Variants in RAB7A observed in about 807,000 individuals in gnomAD.
RAB7A encodes the protein RAB7A, member RAS oncogene family.
Under a neutral mutation model 24.5 loss-of-function variants are expected in RAB7A, and 2 were observed. The ratio of observed to expected loss-of-function variants is 0.08; its 90% CI spans 0.03 to 0.26. The LOEUF (loss-of-function observed/expected upper bound fraction) is 0.26. RAB7A is among the 10% of genes least tolerant of loss of function. The pLI is 1.00. For missense variants in RAB7A, 118 were observed against 255.7 expected, an observed-to-expected ratio of 0.46 and a Z score of 3.67; for synonymous variants, 100 against 95.9, an observed-to-expected ratio of 1.04 and a Z score of -0.25.
rs2070639001 is a variant in RAB7A, at chr3:128,748,216, T to C, written c.-9+21857T>C. Among the ~76,000 whole-genome samples, 2 of 152,198 alleles carry C rather than the reference T, an allele frequency of 1.3e-5. 1 individual carries two copies. The highest frequency in any genetic ancestry group is 4.1e-4 in the South Asian group (2 of 4,830). ...TCCTAAGATTATCGTTGGGGACAGG[T>C]GACTCCTTCTGGGTTTCCTCCACTG... On this transcript the variant is annotated intron_variant, in intron 1 of 5. Coordinates refer to ENST00000265062, the MANE Select transcript of RAB7A (RefSeq NM_004637.6).
chr3:128,737,825 G>GAATTTTT (rs2070506150), intron 1 of RAB7A, among the ~76,000 whole-genome samples: 1 of 59,482 alleles, frequency 1.7e-5, no homozygotes, highest in Admixed American at 2.4e-4. Context: ...TTTTTTTGTA[G>GAATTTTT]TTTTTTTTTT....
At chr3:128,777,680 C>G (rs1460851739) in intron 1 of RAB7A, among the ~76,000 whole-genome samples, 1 of 152,222 alleles carries the variant, frequency 6.6e-6, no homozygotes, top group Non-Finnish European at 1.5e-5. Context: ...AAACTTTACC[C>G]TGCTCAGCCA....
intron 1 of RAB7A, among the ~76,000 whole-genome samples, chr3:128,752,303 T>C (rs57392614): frequency 0.12 from 17,330 of 142,838 alleles, 1,100 homozygotes; most frequent in African/African-American, 0.18. Flanking sequence ...ATTAACTAAA[T>C]AAAAAATGAA....
intron 5 of RAB7A, among the ~76,000 whole-genome samples, chr3:128,812,530 T>C (rs1450748304): frequency 6.6e-6 from 1 of 152,256 alleles, no homozygotes; most frequent in Non-Finnish European, 1.5e-5. Context: ...GTTCCTGCTT[T>C]ATCTCCAAAT....
intron 1 of RAB7A, among the ~76,000 whole-genome samples, chr3:128,738,274 C>T (rs1252063485): frequency 1.3e-5 from 2 of 152,060 alleles, no homozygotes; most frequent in African/African-American, 4.8e-5. Flanking sequence ...TCAAGTAGCT[C>T]GCCCACCCTG....
rs35457218 is a variant in RAB7A, at chr3:128,768,969, CTTTTTTTTTTT to C, written c.-8-26375_-8-26365del. ...CTTTCCTTTTTTCTTTCTTTCTTTC[CTTTTTTTTTTT>C]TTTTTTTTTTTTTTTAAGGAAACAG... On this transcript the variant is annotated intron_variant, in intron 1 of 5. Transcript: ENST00000265062. Among the ~76,000 whole-genome samples, 10 of 72,614 alleles carry C rather than the reference CTTTTTTTTTTT, an allele frequency of 1.4e-4. No homozygotes were observed. The South Asian group carries it at 2.6e-3, about 19-fold the overall frequency. The allele number at this position is 72,614 out of a possible 152,430, so 47.6% of individuals were successfully genotyped here. A position where few individuals can be genotyped will look rare whatever the true frequency, so the allele number is the denominator to read the frequency against.
intron 1 of RAB7A, among the ~76,000 whole-genome samples, chr3:128,776,166 C>G (rs1933082236): frequency 6.6e-6 from 1 of 152,196 alleles, no homozygotes; most frequent in Non-Finnish European, 1.5e-5. Flanking sequence ...AGGCTTATTT[C>G]ACTAAATGTA....
At chr3:128,743,055 G>A (rs552811631) in intron 1 of RAB7A, among the ~76,000 whole-genome samples, 1 of 152,372 alleles carries the variant, frequency 6.6e-6, no homozygotes, top group East Asian at 1.9e-4. Context: ...TGCAGGTCCA[G>A]AGCCCTGCCC....
chr3:128,735,588 A>G (rs1429965920), intron 1 of RAB7A, among the ~76,000 whole-genome samples: 1 of 152,212 alleles, frequency 6.6e-6, no homozygotes, highest in Non-Finnish European at 1.5e-5. Flanking sequence ...AGTTGTGCTT[A>G]AACTTTCAGA....
chr3:128,789,742 T>G (rs192779200), intron 1 of RAB7A, among the ~76,000 whole-genome samples: 1 of 152,026 alleles, frequency 6.6e-6, no homozygotes, highest in Admixed American at 6.5e-5. Context: ...TAACTCTGCT[T>G]GGGCAGCTTC....
chr3:128,747,827 G>T (rs1325856384), intron 1 of RAB7A, among the ~76,000 whole-genome samples: 2 of 151,196 alleles, frequency 1.3e-5, no homozygotes, highest in African/African-American at 4.9e-5. Context: ...GAGTGCAGTG[G>T]TGTGATCTTG....
intron 5 of RAB7A, 79 bp downstream of exon 5, chr3:128,807,750 A>G (rs548624658): frequency 1.3e-6 from 2 of 1,595,462 alleles, no homozygotes; most frequent in Non-Finnish European, 1.7e-6. Flanking sequence ...TCCTGCCCTT[A>G]ATCTTCTTCC....
intron 1 of RAB7A, among the ~76,000 whole-genome samples, chr3:128,744,358 G>A (rs2070587150): frequency 6.6e-6 from 1 of 152,224 alleles, no homozygotes; most frequent in South Asian, 2.1e-4. Context: ...GATTTGGGCA[G>A]ACAGAAAGGC....
intron 1 of RAB7A, among the ~76,000 whole-genome samples, chr3:128,758,881 A>G (rs1217689838): frequency 5.9e-5 from 9 of 152,252 alleles, no homozygotes; most frequent in African/African-American, 1.9e-4. Flanking sequence ...ATATGAGTTC[A>G]TTTGAAATGT....
intron 1 of RAB7A, among the ~76,000 whole-genome samples, chr3:128,763,208 A>ATATATATATATTT (rs373993932): frequency 2.6e-5 from 2 of 76,102 alleles, no homozygotes; most frequent in African/African-American, 1.6e-4. Flanking sequence ...ATATATATAT[A>ATATATATATATTT]TTTTTTTTTT....
chr3:128,796,956 G>A (rs1933589710), intron 2 of RAB7A, among the ~76,000 whole-genome samples: 1 of 152,162 alleles, frequency 6.6e-6, no homozygotes, highest in Non-Finnish European at 1.5e-5. Context: ...GAGCCACCAT[G>A]CCCAGCCTTT....
At chr3:128,740,338 G>A (rs2070538788) in intron 1 of RAB7A, among the ~76,000 whole-genome samples, 1 of 152,196 alleles carries the variant, frequency 6.6e-6, no homozygotes. Context: ...CCGAGATGGC[G>A]CCACTGCACT....
chr3:128,761,307 G>A (rs1009200584), intron 1 of RAB7A, among the ~76,000 whole-genome samples: 1 of 152,134 alleles, frequency 6.6e-6, no homozygotes, highest in African/African-American at 2.4e-5. Flanking sequence ...TGATTACGAA[G>A]TCATACATAG....
rs141730690 is a variant in RAB7A, at chr3:128,729,730, T to A, written c.-9+3371T>A. Among the ~76,000 whole-genome samples, 25 of 152,292 alleles carry A rather than the reference T, an allele frequency of 1.6e-4. No homozygotes were observed. In the East Asian group the frequency reaches 3.7e-3, roughly 22 times the overall value. On this transcript the variant is annotated intron_variant, in intron 1 of 5. Coordinates refer to ENST00000265062, the MANE Select transcript of RAB7A (RefSeq NM_004637.6). Reference sequence around the variant, plus strand: ...CCTCTCTGGCATTTGACACAAATATTTTAGTTTTTCCTATGATAAAGTATT... The same window carrying A: ...CCTCTCTGGCATTTGACACAAATATATTAGTTTTTCCTATGATAAAGTATT...
Sources: allele counts gnomAD v4.1 joint callset (sites outside exome capture counted in the v4.1 genomes callset), GRCh38; gene constraint gnomAD v4.1.1; transcripts MANE v1.5; gene names NCBI Gene and HGNC (gene_info 2026-07-23, HGNC 2026-07-21).